Variants in NIN observed in about 807,000 individuals in gnomAD.
NIN encodes the protein ninein.
NIN carries 137 observed loss-of-function variants against 257.6 expected under a neutral mutation model. The ratio of observed to expected loss-of-function variants is 0.53; its 90% CI spans 0.46 to 0.61. NIN has a LOEUF of 0.61. Ranked by LOEUF, NIN falls within the 20% of genes least tolerant of loss-of-function variation. The probability of loss-of-function intolerance (pLI) is 0.00; values close to 1 mark genes in which losing one functional copy is unlikely to be tolerated. For missense variants in NIN, 2,439 were observed against 2,501.2 expected, an observed-to-expected ratio of 0.98 and a Z score of 0.53; for synonymous variants, 918 against 919.8, an observed-to-expected ratio of 1.00 and a Z score of 0.04.
intron 4 of NIN, among the ~76,000 whole-genome samples, chr14:50,803,096 G>A (rs2044167707): frequency 6.6e-6 from 1 of 152,182 alleles, no homozygotes; most frequent in Non-Finnish European, 1.5e-5. Context: ...GCTCATGCCT[G>A]TAATCCCAGC....
At chr14:50,783,847 T>C (rs1008792589) in intron 5 of NIN, among the ~76,000 whole-genome samples, 2 of 152,106 alleles carry the variant, frequency 1.3e-5, no homozygotes, top group Non-Finnish European at 2.9e-5. Context: ...GGTCCTTTAA[T>C]TGCTGATGAC....
At chr14:50,796,735 G>A (rs1357014768) in intron 4 of NIN, among the ~76,000 whole-genome samples, 3 of 152,138 alleles carry the variant, frequency 2.0e-5, no homozygotes, top group Non-Finnish European at 1.5e-5. Context: ...ACAAACACCC[G>A]CCTCATTCCT....
In NIN at chr14:50,738,232, A is replaced by T; in HGVS notation, c.5683T>A (p.Ser1895Thr). The change falls in exon 27 of 31, where the codon TCA becomes ACA. Residue 1895 changes from serine to threonine, a missense_variant. Physicochemically the swap from Ser to Thr is moderately conservative, Grantham distance 58. Coordinates refer to ENST00000530997, the MANE Select transcript of NIN (RefSeq NM_020921.4). ...LPKHQKHLNP[S>T]GTMNPTEQEK... is the part of the protein sequence containing the mutation. ...TGCTCTGTGGGATTCATGGTACCTG[A>T]TGGGTTTAGATGTTTTTGGTGCTTG... 6 of 1,614,114 alleles carry T rather than the reference A, an allele frequency of 3.7e-6. No individual in the cohort carries two copies. Among genetic ancestry groups the T allele is most frequent in the Non-Finnish European group, 5.1e-6 (6 of 1,179,994 alleles).
chr14:50,765,427 G>A (rs1217834679), intron 14 of NIN, among the ~76,000 whole-genome samples: 1 of 152,156 alleles, frequency 6.6e-6, no homozygotes, highest in Non-Finnish European at 1.5e-5. Flanking sequence ...TATATTTCCT[G>A]AAAAGGAGGG....
Position 50,754,901 on chromosome 14 carries a change from G to A in NIN, c.4539-34C>T, listed in dbSNP as rs748946727. 1.8e-5 allele frequency: 27 copies of A among 1,466,042 alleles called. 1 individual carries two copies. The South Asian group carries it at 2.9e-4, about 16-fold the overall frequency. The allele number at this position is 1,466,042 out of a possible 1,614,324, so 90.8% of individuals were successfully genotyped here. ...CAGAGATTGAAAAAAATTGTTACAA[G>A]GCAGTCATCTGGCATCTTTGGAAAA... is the stretch of plus-strand genomic sequence containing the variant. On this transcript the variant is annotated intron_variant, in intron 18 of 30. Transcript: ENST00000530997.
chr14:50,766,370 A>C lies in NIN; in HGVS notation c.1572T>G (p.Ala524=), dbSNP rs763310642. 1.9e-6 allele frequency: 3 copies of C among 1,614,132 alleles called. No individual in the cohort carries two copies. Among genetic ancestry groups the C allele is most frequent in the Middle Eastern group, 1.6e-4 (1 of 6,062 alleles). The part of the protein sequence containing the change: ...EKFGDLDPSS[A]EFFLQEERLT... ...GTCTCTCTTCTTGCAGGAAGAACTC[A>C]GCACTGCTAGGATCGAGGTCACCAA... is the stretch of plus-strand genomic sequence containing the variant. Residue 524 remains alanine (A), a synonymous_variant, in exon 14 of 31, where the codon GCT becomes GCG. Coordinates refer to ENST00000530997, the MANE Select transcript of NIN (RefSeq NM_020921.4).
intron 3 of NIN, among the ~76,000 whole-genome samples, chr14:50,815,853 C>G (rs2044867714): frequency 6.6e-6 from 1 of 151,914 alleles, no homozygotes; most frequent in Non-Finnish European, 1.5e-5. Flanking sequence ...ATTAAAGATA[C>G]AAAAAATTAG....
rs763649700 is a variant in NIN at position 50,773,001 on chromosome 14, G to A, written c.761C>T (p.Thr254Ile). 23 of 1,612,992 alleles carry A rather than the reference G, an allele frequency of 1.4e-5. No homozygotes were observed. The Admixed American group carries it at 3.2e-4, about 22-fold the overall frequency. The change falls in exon 8 of 31, where the codon ACA becomes ATA. Residue 254 changes from threonine to isoleucine, a missense_variant. Thr to Ile is a moderately conservative substitution (Grantham distance 89). Around this residue, in one of 3 missense-constraint regions of NIN, gnomAD observed 387 missense variants for 427.3 expected, o/e 0.91. Coordinates refer to ENST00000530997, the MANE Select transcript of NIN (RefSeq NM_020921.4). The part of the protein sequence containing the change: ...YGLFKNGKSL[T>I]PSASTPYRQL... ...TCTATATGGAGTAGATGCTGATGGT[G>A]TAAGAGATTTTCCATTTTTAAACAA...
At chr14:50,764,893 T>C (rs1482101461) in intron 14 of NIN, among the ~76,000 whole-genome samples, 2 of 151,876 alleles carry the variant, frequency 1.3e-5, no homozygotes, top group African/African-American at 4.8e-5. Context: ...GCGGTGATGT[T>C]TGCACAATTC....
rs1267231761 is a variant in NIN at position 50,758,636 on chromosome 14, T to C, written c.2400-6A>G. 1 of 1,549,814 alleles carries C rather than the reference T, an allele frequency of 6.5e-7. No homozygotes were observed. Among genetic ancestry groups the C allele is most frequent in the African/African-American group, 1.4e-5 (1 of 72,422 alleles). On this transcript the variant is annotated splice_region_variant and splice_polypyrimidine_tract_variant and intron_variant, in intron 17 of 30. Transcript: ENST00000530997. The stretch of plus-strand genomic sequence containing the variant: ...ACTCTGTTTCCATTTTTTCCCTAAA[T>C]ATAGTCAACATACAGCATTATTGAA...
intron 2 of NIN, among the ~76,000 whole-genome samples, chr14:50,829,048 CT>C (rs1453918719): frequency 6.6e-6 from 1 of 152,206 alleles, no homozygotes; most frequent in Non-Finnish European, 1.5e-5. Context: ...ATGTCCAACC[CT>C]GTGGAACATT....
At position 50,743,439 on chromosome 14, in the gene NIN, G is replaced by C. The variant is rs767411761; in HGVS notation, c.5278C>G (p.Gln1760Glu). ...WEHQSASLKS[Q>E]LVASQEKVQN... ...ACCTTTTCCTGAGAAGCCACCAGCT[G>C]TGACTTTAAGCTCGCACTCTGATGT... Residue 1760 changes from glutamine (Q) to glutamate (E), a missense_variant, in exon 24 of 31, where the codon CAG becomes GAG. Around this residue, in one of 3 missense-constraint regions of NIN, gnomAD observed 2,043 missense variants for 2,050.2 expected, o/e 1.00. Transcript: ENST00000530997. The C allele has an allele frequency of 9.3e-6, 15 of 1,612,352 alleles. No individual in the cohort carries two copies. In the South Asian group the frequency reaches 1.6e-4, roughly 18 times the overall value.
At chr14:50,739,035 G>A (rs2041143444) in intron 26 of NIN, among the ~76,000 whole-genome samples, 1 of 151,476 alleles carries the variant, frequency 6.6e-6, no homozygotes, top group South Asian at 2.1e-4. Context: ...AAGACTATAT[G>A]GTTCACATAA....
At chr14:50,747,906 A>C in intron 22 of NIN, 86 bp downstream of exon 22, 1 of 893,690 alleles carries the variant, frequency 1.1e-6, no homozygotes, top group Admixed American at 1.9e-5. Context: ...TACAAAGGAC[A>C]ACTGGTGGTT....
chr14:50,771,274 T>C (rs2042721773), intron 10 of NIN, 58 bp downstream of exon 10: 1 of 1,590,092 alleles, frequency 6.3e-7, no homozygotes, highest in East Asian at 2.2e-5. Flanking sequence ...GGCATCCGAA[T>C]GACTTGCTGG....
At chr14:50,791,817 AC>A (rs1328360150) in intron 5 of NIN, among the ~76,000 whole-genome samples, 17 of 152,102 alleles carry the variant, frequency 1.1e-4, no homozygotes, top group African/African-American at 4.1e-4. Context: ...GCACACACAC[AC>A]ACACACACAC....
At chr14:50,733,037 T>C (rs2040796394) in intron 28 of NIN, among the ~76,000 whole-genome samples, 1 of 151,990 alleles carries the variant, frequency 6.6e-6, no homozygotes, top group African/African-American at 2.4e-5. Context: ...CACTGAACTC[T>C]AGCCTGGGTG....
Position 50,826,056 on chromosome 14 carries a change from G to A in NIN, c.-21-3979C>T, listed in dbSNP as rs745308141. Among the ~76,000 whole-genome samples, 6 of 152,304 alleles carry A rather than the reference G, an allele frequency of 3.9e-5. No individual in the cohort carries two copies. The East Asian group carries it at 9.6e-4, about 24-fold the overall frequency. On this transcript the variant is annotated intron_variant, in intron 2 of 30. Transcript: ENST00000530997. ...GGCATTGCCCAGGAATTGGTAATTC[G>A]TAAATGACTTCCCCTGAATAAACAC...
chr14:50,739,455 T>C lies in NIN; in HGVS notation c.5481A>G (p.Ser1827=). 6.2e-7 allele frequency: 1 copy of C among 1,614,224 alleles called. No homozygotes were observed. Among genetic ancestry groups the C allele is most frequent in the South Asian group, 1.1e-5 (1 of 91,086 alleles). The change falls in exon 26 of 31, where the codon TCA becomes TCG. Residue 1827 remains serine (S), a synonymous_variant. Coordinates refer to ENST00000530997, the MANE Select transcript of NIN (RefSeq NM_020921.4). ...GCCTTTTCTGCTGGTTATGGAGCCC[T>C]GATGGATGAGTAGCTATCTCTGGGG... ...SWAPEIATHP[S]GLHNQQKRLS...
Sources: gnomAD v4.1 joint callset for allele counts (sites outside exome capture counted in the v4.1 genomes callset) on GRCh38, gnomAD v4.1.1 for gene constraint, gnomAD v4.1.1 regional missense constraint, MANE v1.5 for transcripts, NCBI Gene and HGNC (gene_info 2026-07-23, HGNC 2026-07-21) for gene names.